SASH1: variants seen among roughly 807,000 people sequenced by gnomAD.
SASH1 encodes SAM and SH3 domain-containing protein 1.
Under a neutral mutation model 125.2 loss-of-function variants are expected in SASH1, and 44 were observed. The observed-to-expected ratio is 0.35, with a 90% CI of 0.28 to 0.45. SASH1 has a LOEUF of 0.45. Ranked by LOEUF, SASH1 falls within the 20% of genes least tolerant of loss-of-function variation. The pLI is 1.00. For missense variants in SASH1, 1,426 were observed against 1,614.5 expected, an observed-to-expected ratio of 0.88 and a Z score of 2.00; for synonymous variants, 639 against 649.1, an observed-to-expected ratio of 0.98 and a Z score of 0.24.
intron 1 of SASH1, among the ~76,000 whole-genome samples, chr6:148,311,706 AGGTAGGAG>A (rs1472974028): frequency 6.6e-6 from 1 of 152,142 alleles, no homozygotes; most frequent in Admixed American, 6.5e-5. Flanking sequence ...CGGGAGGCTG[AGGTAGGAG>A]GATCCCCTGA....
chr6:148,279,271 A>T (rs6570833), intron 1 of SASH1, among the ~76,000 whole-genome samples: 1 of 152,020 alleles, frequency 6.6e-6, no homozygotes, highest in African/African-American at 2.4e-5. Context: ...GATTACAGAC[A>T]TGAACCACCG....
chr6:148,516,254 G>A (rs1030168129), intron 9 of SASH1, among the ~76,000 whole-genome samples: 1 of 152,170 alleles, frequency 6.6e-6, no homozygotes, highest in African/African-American at 2.4e-5. Context: ...GAGTCAGGGT[G>A]CTGAGTTGCC....
At chr6:148,492,873 T>A (rs923328276) in intron 8 of SASH1, among the ~76,000 whole-genome samples, 2 of 133,676 alleles carry the variant, frequency 1.5e-5, no homozygotes, top group African/African-American at 5.3e-5. Context: ...AATAAATAAA[T>A]AAAATCACAC....
chr6:148,396,436 C>T (rs1049354737), intron 2 of SASH1, among the ~76,000 whole-genome samples: 8 of 144,888 alleles, frequency 5.5e-5, no homozygotes, highest in East Asian at 2.0e-4. Flanking sequence ...AAGATCATGC[C>T]GCTTTACTCC....
chr6:148,244,870 C>T, the SASH1 span, among the ~76,000 whole-genome samples: 1 of 150,086 alleles, frequency 6.7e-6, no homozygotes, highest in African/African-American at 2.5e-5. Flanking sequence ...AAGCTGTTCA[C>T]AGGTTCTGGG....
the SASH1 span, among the ~76,000 whole-genome samples, chr6:148,221,915 G>T: frequency 6.6e-6 from 1 of 152,090 alleles, no homozygotes; most frequent in Non-Finnish European, 1.5e-5. Context: ...ACTCTTCCTC[G>T]TAGTAGCCTT....
At chr6:148,506,212 G>A (rs954797612) in intron 8 of SASH1, among the ~76,000 whole-genome samples, 5 of 151,638 alleles carry the variant, frequency 3.3e-5, no homozygotes, top group South Asian at 4.2e-4. Context: ...GGTGGCTCAC[G>A]CCTGTAGTCC....
the SASH1 span, among the ~76,000 whole-genome samples, chr6:148,210,463 G>A: frequency 1.3e-5 from 2 of 152,210 alleles, no homozygotes; most frequent in African/African-American, 4.8e-5. Context: ...GACCCAGGAG[G>A]TGGAGGTTGC....
intron 19 of SASH1, among the ~76,000 whole-genome samples, chr6:148,548,033 G>T (rs999904120): frequency 6.6e-6 from 1 of 152,206 alleles, no homozygotes; most frequent in Non-Finnish European, 1.5e-5. Flanking sequence ...AATGCTTATA[G>T]TTTGAAGACT....
chr6:148,348,294 G>A lies in SASH1; in HGVS notation c.156+5071G>A, dbSNP rs561127096. Among the ~76,000 whole-genome samples the A allele has an allele frequency of 5.3e-5, 8 of 152,218 alleles. No individual in the cohort carries two copies. In the South Asian group the frequency reaches 1.0e-3, roughly 20 times the overall value. ...CAGGCGTGAGCCACTGCGCCTGGCC[G>A]GCTTTGATAATTTTGGTTGGGGTTG... On this transcript the variant is annotated intron_variant, in intron 1 of 19. Coordinates refer to ENST00000367467, the MANE Select transcript of SASH1 (RefSeq NM_015278.5).
intron 2 of SASH1, among the ~76,000 whole-genome samples, chr6:148,431,787 ATAGT>A (rs1239163213): frequency 4.0e-5 from 6 of 151,814 alleles, no homozygotes; most frequent in Non-Finnish European, 7.4e-5. Context: ...AACTTTGCAA[ATAGT>A]TAGAGTCTCT....
chr6:148,257,052 G>A, the SASH1 span, among the ~76,000 whole-genome samples: 4 of 152,050 alleles, frequency 2.6e-5, no homozygotes, highest in African/African-American at 9.7e-5. Flanking sequence ...TGAGTGAATC[G>A]TATACTATGT....
rs571623081 is a variant in SASH1 at position 148,467,450 on chromosome 6, A to C, written c.387-1095A>C. Among the ~76,000 whole-genome samples the C allele has an allele frequency of 2.6e-5, 4 of 152,208 alleles. No individual in the cohort carries two copies. In the South Asian group the frequency reaches 8.3e-4, roughly 32 times the overall value. The stretch of plus-strand genomic sequence containing the variant: ...TTTTTTTCTGGAGAAATGCTTAATG[A>C]ACTGGTTTTGGGCTGTGCACACTTT... On this transcript the variant is annotated intron_variant, in intron 4 of 19. Coordinates refer to ENST00000367467, the MANE Select transcript of SASH1 (RefSeq NM_015278.5).
chr6:148,448,583 T>C (rs1776922251), intron 4 of SASH1, among the ~76,000 whole-genome samples: 2 of 152,146 alleles, frequency 1.3e-5, no homozygotes, highest in Admixed American at 1.3e-4. Flanking sequence ...TTATGTGCAC[T>C]CTGTGCAGCT....
chr6:148,487,813 C>A, intron 8 of SASH1, 98 bp downstream of exon 8: 1 of 800,038 alleles, frequency 1.2e-6, no homozygotes, highest in South Asian at 1.7e-5. Context: ...ACTTCCGACT[C>A]GCACCTGGGT....
At chr6:148,234,539 G>A in the SASH1 span, among the ~76,000 whole-genome samples, 2 of 151,744 alleles carry the variant, frequency 1.3e-5, no homozygotes, top group Non-Finnish European at 2.9e-5. Flanking sequence ...GAAGAAGGAG[G>A]AACTGGCCGG....
intron 1 of SASH1, among the ~76,000 whole-genome samples, chr6:148,329,094 A>G (rs1322376520): frequency 6.6e-6 from 1 of 152,202 alleles, no homozygotes; most frequent in Non-Finnish European, 1.5e-5. Context: ...TTCTTAATGG[A>G]TAGACTGTCC....
rs56950339 is a variant in SASH1, at chr6:148,324,118, C to CAA, written n.74+51758_74+51759dup. Among the ~76,000 whole-genome samples the CAA allele has an allele frequency of 1.5e-4, 9 of 59,440 alleles. 2 individuals carry two copies. The highest frequency in any genetic ancestry group is 4.3e-4 in the African/African-American group (6 of 14,056). The allele number at this position is 59,440 out of a possible 152,430, so 39.0% of individuals were successfully genotyped here. A position where few individuals can be genotyped will look rare whatever the true frequency, so the allele number is the denominator to read the frequency against. ...GTGGTGACAGAGCAAGAATCTGTCT[C>CAA]AAAAAAAAAAAAAAAAAACAAGCAT... On this transcript the variant is annotated intron_variant and non_coding_transcript_variant, in intron 1 of 3. Transcript: ENST00000367469.
At chr6:148,458,370 G>A (rs1381331987) in intron 4 of SASH1, among the ~76,000 whole-genome samples, 1 of 152,220 alleles carries the variant, frequency 6.6e-6, no homozygotes, top group Admixed American at 6.5e-5. Context: ...CTTCAAGGGA[G>A]TCTGGGGAAG....
Sources: gnomAD v4.1 joint callset for allele counts (sites outside exome capture counted in the v4.1 genomes callset) on GRCh38, gnomAD v4.1.1 for gene constraint, MANE v1.5 for transcripts, NCBI Gene and HGNC (gene_info 2026-07-23, HGNC 2026-07-21) for gene names.